Variants in NCOR2 observed in about 807,000 individuals in gnomAD.
NCOR2 encodes nuclear receptor corepressor 2.
In NCOR2, 81 loss-of-function variants were observed where a neutral mutation model predicts 262.9. That is an observed-to-expected ratio of 0.31 (90% CI 0.26 to 0.37). NCOR2 has a LOEUF of 0.37. NCOR2 is among the 10% of genes least tolerant of loss of function. The pLI is 1.00. For synonymous variants in NCOR2, 1,659 were observed against 1,559.3 expected, an observed-to-expected ratio of 1.06 and a Z score of -1.51; for missense variants, 3,385 against 3,621.4, an observed-to-expected ratio of 0.93 and a Z score of 1.68.
chr12:124,422,952 C>G lies in NCOR2; in HGVS notation c.1329-397G>C, dbSNP rs952095737. Reference sequence around the variant, plus strand: ...CCTCACCCAGCCCACACAGGGTCTGCTTGGGAACATGGCAGGGCCCCACCA... The same window carrying G: ...CCTCACCCAGCCCACACAGGGTCTGGTTGGGAACATGGCAGGGCCCCACCA... On this transcript the variant is annotated intron_variant, in intron 11 of 46. Transcript: ENST00000405201. Among the ~76,000 whole-genome samples, 40 of 152,188 alleles carry G rather than the reference C, an allele frequency of 2.6e-4. 1 individual carries two copies. Among genetic ancestry groups the G allele is most frequent in the Non-Finnish European group, 1.5e-5 (1 of 68,030 alleles).
intron 13 of NCOR2, among the ~76,000 whole-genome samples, chr12:124,405,660 G>A (rs1013951451): frequency 6.6e-6 from 1 of 152,212 alleles, no homozygotes; most frequent in Non-Finnish European, 1.5e-5. Context: ...TGGCCACCCG[G>A]GAGGCCGAGG....
chr12:124,518,269 T>C (rs1482960968), intron 1 of NCOR2: 1 of 152,260 alleles, frequency 6.6e-6, no homozygotes, highest in African/African-American at 2.4e-5. Context: ...ACACAGGCTG[T>C]GCTGCCGGCT....
At chr12:124,491,270 A>G (rs1323052923) in intron 1 of NCOR2, among the ~76,000 whole-genome samples, 2 of 152,282 alleles carry the variant, frequency 1.3e-5, no homozygotes, top group Non-Finnish European at 2.9e-5. Flanking sequence ...CATCGTCATC[A>G]TTACATTATT....
chr12:124,470,350 T>G (rs1282591904), intron 4 of NCOR2, among the ~76,000 whole-genome samples: 1 of 152,176 alleles, frequency 6.6e-6, no homozygotes, highest in African/African-American at 2.4e-5. Flanking sequence ...ATTCTGCTCC[T>G]AGGTATACAC....
upstream of NCOR2, among the ~76,000 whole-genome samples, chr12:124,536,605 G>A (rs1003651907): frequency 6.6e-6 from 1 of 152,132 alleles, no homozygotes; most frequent in African/African-American, 2.4e-5. Flanking sequence ...TTAAAACCAC[G>A]AAAGACCACT....
intron 20 of NCOR2, among the ~76,000 whole-genome samples, chr12:124,367,565 C>T (rs2039138712): frequency 6.6e-6 from 1 of 152,190 alleles, no homozygotes; most frequent in African/African-American, 2.4e-5. Context: ...TGGAGGAGCG[C>T]CACCTCCAGA....
intron 1 of NCOR2, among the ~76,000 whole-genome samples, chr12:124,554,598 C>G (rs1350265109): frequency 6.6e-6 from 1 of 152,244 alleles, no homozygotes; most frequent in African/African-American, 2.4e-5. Context: ...CGGCCTGGAC[C>G]CACGGACGGG....
intron 16 of NCOR2, among the ~76,000 whole-genome samples, chr12:124,392,124 G>C (rs531538522): frequency 2.0e-5 from 3 of 152,226 alleles, no homozygotes; most frequent in African/African-American, 7.2e-5. Flanking sequence ...CATTACTACC[G>C]CATCGACCGC....
At chr12:124,371,985 C>A in intron 20 of NCOR2, 37 bp downstream of exon 22, 1 of 1,538,502 alleles carries the variant, frequency 6.5e-7, no homozygotes, top group Non-Finnish European at 8.7e-7. Context: ...TGTCTGCAGA[C>A]AAAAGCCAAG....
intron 1 of NCOR2, among the ~76,000 whole-genome samples, chr12:124,519,938 G>A (rs1278585254): frequency 6.6e-6 from 1 of 152,234 alleles, no homozygotes; most frequent in Non-Finnish European, 1.5e-5. Flanking sequence ...AACTGGGCAA[G>A]CCTGGCTTGT....
chr12:124,506,358 T>G (rs1328923782), intron 1 of NCOR2, among the ~76,000 whole-genome samples: 1 of 151,364 alleles, frequency 6.6e-6, no homozygotes, highest in Non-Finnish European at 1.5e-5. Flanking sequence ...GGTCGGAGCC[T>G]CCGAGGAGGC....
rs992718913 is a variant in NCOR2 at position 124,519,126 on chromosome 12, A to G, written c.-118+16439T>C. 5.9e-5 allele frequency among the ~76,000 whole-genome samples: 9 copies of G among 151,528 alleles called. 1 individual carries two copies. The South Asian group carries it at 1.9e-3, about 33-fold the overall frequency. ...CACACACACACACACACACACACAC[A>G]CACACAGGCCAACAATGATGGCTTG... On this transcript the variant is annotated intron_variant, in intron 1 of 46. Coordinates refer to the NCOR2 transcript ENST00000404621.
chr12:124,438,910 C>CAG (rs1191638018), intron 7 of NCOR2, among the ~76,000 whole-genome samples: 2 of 147,478 alleles, frequency 1.4e-5, no homozygotes, highest in Non-Finnish European at 3.0e-5. Flanking sequence ...GACAGAGACC[C>CAG]AGAGAGAGAG....
At chr12:124,340,426 T>C (rs776413929) in exon 36 of NCOR2, 1 of 1,612,790 alleles carries the variant, frequency 6.2e-7, no homozygotes, top group Admixed American at 1.7e-5. Context: ...GTTGGTTTTG[T>C]CAAGTGTGTT....
intron 28 of NCOR2, 76 bp downstream of exon 30, chr12:124,350,511 C>T (rs1315740495): frequency 2.8e-5 from 44 of 1,545,952 alleles, no homozygotes; most frequent in Non-Finnish European, 3.9e-5. Flanking sequence ...CCAGCCCTGC[C>T]TCCCTGTGAA....
At chr12:124,551,884 G>A (rs1450488019) in intron 1 of NCOR2, among the ~76,000 whole-genome samples, 2 of 152,206 alleles carry the variant, frequency 1.3e-5, no homozygotes, top group African/African-American at 2.4e-5. Context: ...GAAAGGCCGC[G>A]GCTCCAAGAG....
chr12:124,526,777 G>A (rs2050493825), intron 1 of NCOR2, among the ~76,000 whole-genome samples: 1 of 152,198 alleles, frequency 6.6e-6, no homozygotes, highest in Non-Finnish European at 1.5e-5. Flanking sequence ...TCAGGCACAT[G>A]AGGTGGCCCC....
At chr12:124,394,065 G>C (rs137938541) in intron 16 of NCOR2, among the ~76,000 whole-genome samples, 88 of 152,390 alleles carry the variant, frequency 5.8e-4, no homozygotes, top group African/African-American at 2.0e-3. Flanking sequence ...GGGGGCCGAG[G>C]CCCCAAAGTG....
At chr12:124,474,844 T>C (rs1440233356) in intron 3 of NCOR2, among the ~76,000 whole-genome samples, 1 of 152,078 alleles carries the variant, frequency 6.6e-6, no homozygotes, top group African/African-American at 2.4e-5. Context: ...CGGCAGCTGC[T>C]GGCAGACAAG....
Sources: allele counts gnomAD v4.1 joint callset (sites outside exome capture counted in the v4.1 genomes callset), GRCh38; gene constraint gnomAD v4.1.1; transcripts MANE v1.5; gene names NCBI Gene and HGNC (gene_info 2026-07-23, HGNC 2026-07-21).